TMC2: variants seen among roughly 807,000 people sequenced by gnomAD.
The protein encoded by TMC2 is transmembrane channel like 2.
TMC2 carries 102 observed loss-of-function variants against 105.9 expected under a neutral mutation model. The observed-to-expected ratio is 0.96, with a 90% CI of 0.82 to 1.14. The LOEUF is 1.14. Among genes scored for constraint, TMC2 ranks in the 50% most tolerant of loss-of-function variants. TMC2 has a pLI of 0.00. For missense variants in TMC2, 1,093 were observed against 1,134.3 expected (o/e 0.96, Z 0.52); for synonymous variants, 402 against 422.8 (o/e 0.95, Z 0.60).
At chr20:2,628,832 G>C (rs1726577086) in intron 17 of TMC2, among the ~76,000 whole-genome samples, 2 of 152,222 alleles carry the variant, frequency 1.3e-5, no homozygotes, top group African/African-American at 4.8e-5. Context: ...GCCGGGCACA[G>C]TGGCTCATGC....
At chr20:2,560,718 T>C (rs1322329763) in intron 3 of TMC2, among the ~76,000 whole-genome samples, 1 of 152,010 alleles carries the variant, frequency 6.6e-6, no homozygotes, top group Non-Finnish European at 1.5e-5. Context: ...GTGCCTGTAG[T>C]GCCAGCTACT....
chr20:2,539,472 T>C (rs972540589), intron 2 of TMC2, among the ~76,000 whole-genome samples: 4 of 152,158 alleles, frequency 2.6e-5, no homozygotes, highest in Admixed American at 2.0e-4. Context: ...TGAAAACCAT[T>C]GTATTAGCTG....
At chr20:2,572,153 C>T in intron 4 of TMC2, 26 bp from the exon 5 acceptor site, 1 of 1,469,210 alleles carries the variant, frequency 6.8e-7, no homozygotes, top group Non-Finnish European at 9.4e-7. Context: ...AACTGAAATC[C>T]TGCTTTTTTT....
chr20:2,624,396 T>A lies in TMC2; in HGVS notation c.2306T>A (p.Phe769Tyr). ...GLIIPAILLM[F>Y]LAIYYLNSVS... ...ATCATCCCAGCCATCCTGCTGATGT[T>A]GTAAGTTAGCCAGGACCCATGGCTC... The change falls in exon 17 of 20, where the codon TTC becomes TAC. Residue 769 changes from phenylalanine to tyrosine, a missense_variant and splice_region_variant. Physicochemically the swap from Phe to Tyr is conservative, Grantham distance 22. Transcript: ENST00000358864. 6.2e-7 allele frequency: 1 copy of A among 1,613,224 alleles called. No individual in the cohort carries two copies.
At chr20:2,576,916 T>G (rs1354442147) in intron 5 of TMC2, among the ~76,000 whole-genome samples, 1 of 146,088 alleles carries the variant, frequency 6.8e-6, no homozygotes, top group Non-Finnish European at 1.5e-5. Context: ...TTTTTTTGTT[T>G]TTTTTTTTTT....
At chr20:2,542,061 T>C (rs770788713) in intron 2 of TMC2, among the ~76,000 whole-genome samples, 2 of 152,204 alleles carry the variant, frequency 1.3e-5, no homozygotes, top group Non-Finnish European at 2.9e-5. Flanking sequence ...GAGTAAATGT[T>C]GGAGAGGAGA....
At chr20:2,582,377 C>T (rs2146201357) in intron 7 of TMC2, among the ~76,000 whole-genome samples, 1 of 152,276 alleles carries the variant, frequency 6.6e-6, no homozygotes, top group Middle Eastern at 3.4e-3. Context: ...GAGATATCCC[C>T]ACGACCCATG....
chr20:2,583,436 A>C (rs2086209317), intron 7 of TMC2, among the ~76,000 whole-genome samples: 1 of 151,372 alleles, frequency 6.6e-6, no homozygotes, highest in African/African-American at 2.4e-5. Flanking sequence ...CCCTTAGTCC[A>C]GCAACCCAGC....
chr20:2,548,600 T>C (rs1312609852), intron 2 of TMC2, among the ~76,000 whole-genome samples: 1 of 150,614 alleles, frequency 6.6e-6, no homozygotes, highest in African/African-American at 2.4e-5. Flanking sequence ...ATAGCACCAT[T>C]GCACTCCAGC....
At position 2,594,962 on chromosome 20, in the gene TMC2, T is replaced by G; in HGVS notation, c.1071T>G (p.Ile357Met). 1 of 1,613,420 alleles carries G rather than the reference T, an allele frequency of 6.2e-7. No homozygotes were observed. Among genetic ancestry groups the G allele is most frequent in the Non-Finnish European group, 8.5e-7 (1 of 1,179,728 alleles). The change falls in exon 9 of 20, where the codon ATT becomes ATG. Residue 357 changes from isoleucine (I) to methionine (M), a missense_variant. Physicochemically the swap from Ile to Met is conservative, Grantham distance 10. Transcript: ENST00000358864. ...SVFGYSLIIVIRSMASNTQGS... is the reference protein window; with the variant it reads ...SVFGYSLIIVMRSMASNTQGS... ...TCGGCTACAGCCTGATTATTGTCAT[T>G]CGATCGTAAGTATGACCGTCTCATC...
chr20:2,542,088 T>G (rs2085893795), intron 2 of TMC2, among the ~76,000 whole-genome samples: 1 of 152,184 alleles, frequency 6.6e-6, no homozygotes, highest in Non-Finnish European at 1.5e-5. Context: ...TTCCTCTACC[T>G]TCCTAGGTTC....
At chr20:2,580,303 A>T (rs2086180394) in intron 7 of TMC2, among the ~76,000 whole-genome samples, 1 of 152,246 alleles carries the variant, frequency 6.6e-6, no homozygotes, top group Non-Finnish European at 1.5e-5. Flanking sequence ...AACTACAATT[A>T]CTTTTGCACC....
At chr20:2,586,196 G>A (rs2422799) in intron 7 of TMC2, among the ~76,000 whole-genome samples, 108,416 of 151,910 alleles carry the variant, frequency 0.71, 39,067 homozygotes, top group African/African-American at 0.8. Context: ...GCTCCATGGG[G>A]GTAGCTCTTT....
intron 14 of TMC2, among the ~76,000 whole-genome samples, chr20:2,615,809 TA>T (rs2086476439): frequency 1.3e-5 from 2 of 152,234 alleles, no homozygotes; most frequent in South Asian, 4.1e-4. Context: ...AAAACGTTGA[TA>T]AAATGTTCTG....
intron 9 of TMC2, among the ~76,000 whole-genome samples, chr20:2,596,178 C>T (rs931582672): frequency 1.3e-5 from 2 of 152,160 alleles, no homozygotes; most frequent in Admixed American, 1.3e-4. Context: ...GTTTGGAATT[C>T]TGTGATTCCC....
chr20:2,556,469 C>T (rs550130098), intron 2 of TMC2, among the ~76,000 whole-genome samples: 2 of 152,250 alleles, frequency 1.3e-5, no homozygotes, highest in Middle Eastern at 3.4e-3. Context: ...CTCTGAAGAA[C>T]CTCCTTTAAC....
Position 2,635,848 on chromosome 20 carries a change from G to T in TMC2, c.2307-78G>T. The T allele has an allele frequency of 6.0e-6, 7 of 1,168,666 alleles. No individual in the cohort carries two copies. In the South Asian group the frequency reaches 8.6e-5, roughly 14 times the overall value. The allele number at this position is 1,168,666 out of a possible 1,614,324, so 72.4% of individuals were successfully genotyped here. On this transcript the variant is annotated intron_variant, in intron 17 of 19. Transcript: ENST00000358864. ...GTAACTATTCCAGGAATCCTGCCCT[G>T]ATTCCCCAAGAAAGGCGCCCAGCTC...
intron 16 of TMC2, among the ~76,000 whole-genome samples, chr20:2,619,086 G>A (rs1275176577): frequency 3.9e-5 from 6 of 152,128 alleles, no homozygotes; most frequent in South Asian, 2.1e-4. Context: ...ACCCTGTCCC[G>A]TAAAAGGGTC....
chr20:2,603,781 A>T (rs2086369047), intron 11 of TMC2, among the ~76,000 whole-genome samples: 1 of 152,166 alleles, frequency 6.6e-6, no homozygotes, highest in African/African-American at 2.4e-5. Context: ...TATGCTCTGA[A>T]GGCAAATGCT....
Sources: allele counts gnomAD v4.1 joint callset (sites outside exome capture counted in the v4.1 genomes callset), GRCh38; gene constraint gnomAD v4.1.1; transcripts MANE v1.5; gene names NCBI Gene and HGNC (gene_info 2026-07-23, HGNC 2026-07-21).